The following ERBIN variants were observed in gnomAD, a reference collection of about 807,000 sequenced individuals.
ERBIN encodes the protein densin-180-like protein.
A neutral mutation model predicts 158.4 loss-of-function variants in ERBIN; 60 were observed. That is an observed-to-expected ratio of 0.38 (90% CI 0.31 to 0.47). The LOEUF (loss-of-function observed/expected upper bound fraction) is 0.47, where lower values mean the gene tolerates loss of function less well. Among genes scored for constraint, ERBIN ranks in the 20% least tolerant of loss-of-function variants. The pLI is 0.99. For missense variants in ERBIN, 1,610 were observed against 1,648.0 expected (o/e 0.98, Z 0.40); for synonymous variants, 594 against 557.2 (o/e 1.07, Z -0.93).
rs374040679 is a variant in ERBIN, at chr5:66,076,864, T to C, written c.4057-11T>C. On this transcript the variant is annotated splice_polypyrimidine_tract_variant and intron_variant, in intron 24 of 25. Coordinates refer to ENST00000284037, the MANE Select transcript of ERBIN (RefSeq NM_001253697.2). ...CTGTTTTTAGTTAAATAATTTTTTT[T>C]GTTGTTAAAGGGTATATTTGTAACA... The C allele has an allele frequency of 1.3e-6, 2 of 1,589,884 alleles. No individual in the cohort carries two copies. Among genetic ancestry groups the C allele is most frequent in the African/African-American group, 2.7e-5 (2 of 73,840 alleles).
intron 15 of ERBIN, among the ~76,000 whole-genome samples, chr5:66,039,256 T>C (rs1349445396): frequency 6.6e-6 from 1 of 151,970 alleles, no homozygotes; most frequent in Non-Finnish European, 1.5e-5. Flanking sequence ...AGTTTCCTTA[T>C]CTTGAAATGA....
At chr5:66,037,935 T>TA in intron 14 of ERBIN, among the ~76,000 whole-genome samples, 1 of 152,240 alleles carries the variant, frequency 6.6e-6, no homozygotes, top group East Asian at 1.9e-4. Context: ...TCTTTTCAGC[T>TA]GCTAACTAGA....
In ERBIN at chr5:65,994,841, G is replaced by T. The variant is rs534110623; in HGVS notation, c.284G>T (p.Arg95Met). 6 of 1,605,132 alleles carry T rather than the reference G, an allele frequency of 3.7e-6. No homozygotes were observed. In the East Asian group the frequency reaches 1.1e-4, roughly 30 times the overall value. ...PASIANLINL[R>M]ELDVSKNGIQ... ...TCCATTGCAAACCTTATTAATCTCA[G>T]GGAACTGGATGTCAGCAAGAATGGT... Residue 95 changes from arginine (R) to methionine (M), a missense_variant, in exon 4 of 26, where the codon AGG becomes ATG. Arg to Met is a moderately conservative substitution (Grantham distance 91). Coordinates refer to ENST00000284037, the MANE Select transcript of ERBIN (RefSeq NM_001253697.2).
At chr5:65,965,669 A>G (rs759800697) in intron 1 of ERBIN, among the ~76,000 whole-genome samples, 23 of 152,172 alleles carry the variant, frequency 1.5e-4, no homozygotes, top group Non-Finnish European at 3.1e-4. Flanking sequence ...CTGGGATTAC[A>G]GGTGTGAACC....
intron 1 of ERBIN, among the ~76,000 whole-genome samples, chr5:65,960,603 T>G (rs1169808351): frequency 6.6e-6 from 1 of 152,186 alleles, no homozygotes; most frequent in Non-Finnish European, 1.5e-5. Context: ...GAATCACTGA[T>G]TAGATGCTTT....
chr5:65,933,306 G>A (rs1322384302), intron 1 of ERBIN, among the ~76,000 whole-genome samples: 1 of 152,130 alleles, frequency 6.6e-6, no homozygotes, highest in African/African-American at 2.4e-5. Flanking sequence ...TACTGTATTG[G>A]TCATTTAAAT....
intron 21 of ERBIN, among the ~76,000 whole-genome samples, chr5:66,063,045 GAACCACT>G (rs1760593699): frequency 6.6e-6 from 1 of 152,234 alleles, no homozygotes; most frequent in African/African-American, 2.4e-5. Flanking sequence ...CGTGCTGGGA[GAACCACT>G]ACTCTCTTCA....
intron 1 of ERBIN, among the ~76,000 whole-genome samples, chr5:65,956,857 CATT>C (rs1747204761): frequency 6.6e-6 from 1 of 152,130 alleles, no homozygotes; most frequent in Non-Finnish European, 1.5e-5. Flanking sequence ...TTGAAGATGA[CATT>C]GTTGTATCAC....
At chr5:66,002,919 A>G (rs1419204869) in intron 4 of ERBIN, among the ~76,000 whole-genome samples, 1 of 152,222 alleles carries the variant, frequency 6.6e-6, no homozygotes, top group Admixed American at 6.5e-5. Context: ...AAGGAAAACC[A>G]TGTTTTACAC....
intron 14 of ERBIN, among the ~76,000 whole-genome samples, chr5:66,035,341 A>G (rs543440595): frequency 1.4e-4 from 22 of 152,162 alleles, no homozygotes; most frequent in Non-Finnish European, 2.9e-4. Context: ...TCTGCCCCAA[A>G]TATATTTCCC....
At chr5:65,927,024 T>A (rs1342534752) in intron 1 of ERBIN, among the ~76,000 whole-genome samples, 1 of 143,748 alleles carries the variant, frequency 7.0e-6, no homozygotes, top group Admixed American at 6.9e-5. Flanking sequence ...GACTTTGAAT[T>A]TTTTGGAAGA....
At chr5:65,980,910 A>G (rs1750585622) in intron 1 of ERBIN, among the ~76,000 whole-genome samples, 1 of 152,244 alleles carries the variant, frequency 6.6e-6, no homozygotes, top group African/African-American at 2.4e-5. Context: ...TAAATTGGTA[A>G]GGCTATAGAA....
intron 15 of ERBIN, among the ~76,000 whole-genome samples, chr5:66,039,500 A>G (rs1385521258): frequency 6.6e-6 from 1 of 151,992 alleles, no homozygotes; most frequent in Non-Finnish European, 1.5e-5. Flanking sequence ...AAATTGAGAC[A>G]TAAGTTTCAG....
intron 21 of ERBIN, among the ~76,000 whole-genome samples, chr5:66,055,780 C>A (rs551127554): frequency 6.6e-6 from 1 of 152,246 alleles, no homozygotes; most frequent in South Asian, 2.1e-4. Flanking sequence ...GGTGAACATA[C>A]AACTTCAATT....
chr5:66,074,060 T>TG (rs1761764136), intron 22 of ERBIN, among the ~76,000 whole-genome samples: 1 of 147,186 alleles, frequency 6.8e-6, no homozygotes, highest in Admixed American at 6.8e-5. Flanking sequence ...TTTTTTTTTT[T>TG]TTTTTTTTTT....
At chr5:66,003,004 C>T (rs1285458753) in intron 4 of ERBIN, among the ~76,000 whole-genome samples, 7 of 152,168 alleles carry the variant, frequency 4.6e-5, no homozygotes, top group Admixed American at 6.6e-5. Context: ...CTGGAGTGTG[C>T]ACTCATTTGT....
chr5:65,977,107 C>A (rs1352503153), intron 1 of ERBIN, among the ~76,000 whole-genome samples: 1 of 145,742 alleles, frequency 6.9e-6, no homozygotes, highest in African/African-American at 2.5e-5. Flanking sequence ...GCAGAGGCGC[C>A]CCTCACCTCC....
At chr5:66,061,903 C>A (rs1689929027) in intron 21 of ERBIN, among the ~76,000 whole-genome samples, 1 of 152,182 alleles carries the variant, frequency 6.6e-6, no homozygotes, top group South Asian at 2.1e-4. Context: ...GAGTTTCTGC[C>A]AAGAGATCAG....
At chr5:65,950,584 A>C (rs531140781) in intron 1 of ERBIN, among the ~76,000 whole-genome samples, 1 of 152,320 alleles carries the variant, frequency 6.6e-6, no homozygotes, top group South Asian at 2.1e-4. Flanking sequence ...TCTCCACTGT[A>C]AAGTTACTAT....
Sources: allele counts gnomAD v4.1 joint callset (sites outside exome capture counted in the v4.1 genomes callset), GRCh38; gene constraint gnomAD v4.1.1; transcripts MANE v1.5; gene names NCBI Gene and HGNC (gene_info 2026-07-23, HGNC 2026-07-21).